EGFLAM: variants seen among roughly 807,000 people sequenced by gnomAD.
EGFLAM encodes pikachurin.
A neutral mutation model predicts 113.1 loss-of-function variants in EGFLAM; 79 were observed. The ratio of observed to expected loss-of-function variants is 0.70; its 90% CI spans 0.58 to 0.84. The LOEUF is 0.84. EGFLAM is among the 40% of genes least tolerant of loss of function. The pLI, the probability that EGFLAM is intolerant of heterozygous loss-of-function variation, is 0.00. For synonymous variants in EGFLAM, 504 were observed against 487.6 expected (o/e 1.03, Z -0.44); for missense variants, 1,265 against 1,291.6 (o/e 0.98, Z 0.32).
chr5:38,334,849 A>G (rs1391330179), intron 1 of EGFLAM, among the ~76,000 whole-genome samples: 4 of 152,214 alleles, frequency 2.6e-5, no homozygotes. Context: ...TATTTATTAG[A>G]AATCTTTAAA....
In EGFLAM at chr5:38,426,433, T is replaced by C. The variant is rs151268607; in HGVS notation, c.1811-576T>C. Among the ~76,000 whole-genome samples the C allele has an allele frequency of 7.4e-4, 112 of 152,310 alleles. 1 individual carries two copies. The highest frequency in any genetic ancestry group is 2.5e-3 in the African/African-American group (105 of 41,574). On this transcript the variant is annotated intron_variant, in intron 13 of 21. Coordinates refer to ENST00000322350, the MANE Select transcript of EGFLAM (RefSeq NM_152403.4). ...AATAAAAAGAAAATAAAACTGAGGC[T>C]AAGATCACAAAACTAGTCAAATTCT...
At chr5:38,305,473 C>T (rs1274673470) in intron 1 of EGFLAM, 1 of 454,756 alleles carries the variant, frequency 2.2e-6, no homozygotes, top group Non-Finnish European at 4.4e-6. Context: ...TTGGACAGAA[C>T]CATGACGCAG....
chr5:38,395,026 C>A (rs534986584), intron 6 of EGFLAM, among the ~76,000 whole-genome samples: 21 of 152,002 alleles, frequency 1.4e-4, no homozygotes, highest in African/African-American at 4.8e-4. Context: ...CTACAACCTT[C>A]GCCTCCCGGA....
At chr5:38,385,995 C>T (rs1037575572) in intron 6 of EGFLAM, among the ~76,000 whole-genome samples, 5 of 152,134 alleles carry the variant, frequency 3.3e-5, no homozygotes, top group African/African-American at 1.2e-4. Context: ...CTGAATACCA[C>T]AAGCAAATGT....
intron 1 of EGFLAM, among the ~76,000 whole-genome samples, chr5:38,310,704 T>C (rs1451816158): frequency 1.3e-5 from 2 of 152,184 alleles, no homozygotes; most frequent in African/African-American, 4.8e-5. Context: ...TGGCTTGAAT[T>C]TGCAGGCGAT....
intron 1 of EGFLAM, among the ~76,000 whole-genome samples, chr5:38,311,059 A>G (rs909559010): frequency 6.6e-6 from 1 of 151,990 alleles, no homozygotes; most frequent in Non-Finnish European, 1.5e-5. Context: ...CATTTCCTAT[A>G]CAGCAGCCAC....
intron 17 of EGFLAM, among the ~76,000 whole-genome samples, chr5:38,443,526 C>T (rs139653368): frequency 1.3e-5 from 2 of 152,090 alleles, no homozygotes; most frequent in Admixed American, 6.5e-5. Context: ...TTGTGGCTAC[C>T]GTCAGCATAC....
At chr5:38,274,880 G>A (rs1428260) in intron 1 of EGFLAM, among the ~76,000 whole-genome samples, 93,067 of 152,080 alleles carry the variant, frequency 0.61, 29,357 homozygotes, top group African/African-American at 0.75. Flanking sequence ...ACTGTTTAAT[G>A]ATAACTACAA....
intron 6 of EGFLAM, among the ~76,000 whole-genome samples, chr5:38,388,213 A>G (rs1740714997): frequency 6.6e-6 from 1 of 152,278 alleles, no homozygotes; most frequent in African/African-American, 2.4e-5. Flanking sequence ...TAGAGATAGC[A>G]GACGTGATTA....
chr5:38,411,519 G>A (rs1273376936), intron 10 of EGFLAM, among the ~76,000 whole-genome samples: 1 of 116,324 alleles, frequency 8.6e-6, no homozygotes, highest in African/African-American at 3.4e-5. Flanking sequence ...CAGAGTCTCT[G>A]TTGCCAAGGC....
intron 6 of EGFLAM, among the ~76,000 whole-genome samples, chr5:38,390,425 A>AT (rs1229469225): frequency 1.3e-5 from 2 of 152,088 alleles, no homozygotes; most frequent in East Asian, 1.9e-4. Context: ...GTTGCTTCAA[A>AT]TTTTTTTCAT....
At chr5:38,407,675 A>G in intron 8 of EGFLAM, 130 bp from the exon 9 acceptor site, 1 of 623,736 alleles carries the variant, frequency 1.6e-6, no homozygotes, top group Non-Finnish European at 2.8e-6. Flanking sequence ...TATAGAAAAG[A>G]AGATAGCGAA....
intron 1 of EGFLAM, among the ~76,000 whole-genome samples, chr5:38,310,495 T>A (rs1402490782): frequency 2.0e-5 from 3 of 152,194 alleles, no homozygotes; most frequent in Non-Finnish European, 2.9e-5. Context: ...CTTTAGCTAT[T>A]TTCATATGAA....
intron 18 of EGFLAM, among the ~76,000 whole-genome samples, chr5:38,449,892 C>T (rs1742855919): frequency 1.3e-5 from 2 of 152,150 alleles, no homozygotes; most frequent in Admixed American, 6.5e-5. Context: ...TTAAGAGAAG[C>T]AGCTGTACCC....
intron 19 of EGFLAM, among the ~76,000 whole-genome samples, chr5:38,455,560 C>T (rs1561105003): frequency 1.3e-5 from 2 of 152,152 alleles, no homozygotes; most frequent in African/African-American, 4.8e-5. Flanking sequence ...GTGAAGGTAA[C>T]CACTCTTCTT....
intron 1 of EGFLAM, among the ~76,000 whole-genome samples, chr5:38,273,057 C>A (rs748771326): frequency 1.4e-4 from 21 of 151,826 alleles, no homozygotes; most frequent in Admixed American, 2.6e-4. Flanking sequence ...AGGTTAGAGA[C>A]CACTGTATCT....
intron 12 of EGFLAM, among the ~76,000 whole-genome samples, chr5:38,421,332 T>C (rs2112173128): frequency 6.6e-6 from 1 of 152,346 alleles, no homozygotes; most frequent in South Asian, 2.1e-4. Context: ...CAGCTCTTGA[T>C]TATTTCCATT....
Position 38,337,919 on chromosome 5 carries a change from T to C in EGFLAM, c.207+290T>C, listed in dbSNP as rs1033242786. On this transcript the variant is annotated intron_variant, in intron 2 of 21. Transcript: ENST00000322350. ...TGCTATTCAGTTGCCTATAGTCAAATCTGGAGAATAAAGTAGGAACACGGG... is the reference window on the plus strand; with the variant it reads ...TGCTATTCAGTTGCCTATAGTCAAACCTGGAGAATAAAGTAGGAACACGGG... 3.3e-5 allele frequency among the ~76,000 whole-genome samples: 5 copies of C among 152,248 alleles called. No homozygotes were observed. The South Asian group carries it at 1.0e-3, about 32-fold the overall frequency.
chr5:38,395,039 C>T (rs935307329), intron 6 of EGFLAM, among the ~76,000 whole-genome samples: 1 of 152,002 alleles, frequency 6.6e-6, no homozygotes, highest in Non-Finnish European at 1.5e-5. Flanking sequence ...CTCCCGGATT[C>T]AAGCGATTTT....
Sources: allele counts gnomAD v4.1 joint callset (sites outside exome capture counted in the v4.1 genomes callset), GRCh38; gene constraint gnomAD v4.1.1; transcripts MANE v1.5; gene names NCBI Gene and HGNC (gene_info 2026-07-23, HGNC 2026-07-21).